The following ZNF618 variants were observed in gnomAD, a reference collection of about 807,000 sequenced individuals.
The protein encoded by ZNF618 is neural precursor cell expressed, developmentally down-regulated 10.
A neutral mutation model predicts 103.0 loss-of-function variants in ZNF618; 34 were observed. That is an observed-to-expected ratio of 0.33 (90% CI 0.25 to 0.44). ZNF618 has a LOEUF of 0.44. ZNF618 is among the 20% of genes least tolerant of loss of function. The pLI is 1.00. For missense variants in ZNF618, 1,059 were observed against 1,295.4 expected, an observed-to-expected ratio of 0.82 and a Z score of 2.80; for synonymous variants, 551 against 542.2, an observed-to-expected ratio of 1.02 and a Z score of -0.23.
chr9:114,053,835 C>T lies in ZNF618; in HGVS notation c.*3668C>T, dbSNP rs1271433819. Reference sequence around the variant, plus strand: ...GAGCAAAACTGCCTGCACTTCATCTCTGGAGGTTCGCTGCACAGAGGCCAC... The same window carrying T: ...GAGCAAAACTGCCTGCACTTCATCTTTGGAGGTTCGCTGCACAGAGGCCAC... On this transcript the variant is annotated 3_prime_UTR_variant, in exon 15 of 15. Transcript: ENST00000374126. 2 of 152,284 alleles carry T rather than the reference C, an allele frequency of 1.3e-5. No individual in the cohort carries two copies. The highest frequency in any genetic ancestry group is 1.9e-4 in the East Asian group (1 of 5,198). The allele number at this position is 152,284 out of a possible 1,614,324, so 9.4% of individuals were successfully genotyped here.
intron 1 of ZNF618, among the ~76,000 whole-genome samples, chr9:113,927,076 A>G (rs1479948212): frequency 6.6e-6 from 1 of 152,226 alleles, no homozygotes; most frequent in African/African-American, 2.4e-5. Flanking sequence ...TCTGGTTCTG[A>G]TGCCTCTTAC....
At chr9:114,010,438 G>C (rs1303275169) in intron 9 of ZNF618, among the ~76,000 whole-genome samples, 1 of 152,162 alleles carries the variant, frequency 6.6e-6, no homozygotes, top group African/African-American at 2.4e-5. Context: ...TGGGCGTGGT[G>C]GCTCTCGCCT....
At position 114,050,329 on chromosome 9, in the gene ZNF618, CGTGT is replaced by C; in HGVS notation, c.*163_*166del. 4 of 770,446 alleles carry C rather than the reference CGTGT, an allele frequency of 5.2e-6. No individual in the cohort carries two copies. The highest frequency in any genetic ancestry group is 8.0e-6 in the Non-Finnish European group (4 of 502,258). 47.7% of individuals were successfully genotyped at this position (770,446 alleles called of 1,614,324 possible). Reference sequence around the variant, plus strand: ...TGCTTTTTTTATATGTGTGTGTGTGCGTGTATGTACACAGCCACACGTGTGTGCA... The same window carrying C: ...TGCTTTTTTTATATGTGTGTGTGTGCATGTACACAGCCACACGTGTGTGCA... On this transcript the variant is annotated 3_prime_UTR_variant, in exon 15 of 15. Transcript: ENST00000374126.
At chr9:114,013,754 A>G (rs1158800132) in intron 9 of ZNF618, among the ~76,000 whole-genome samples, 3 of 152,182 alleles carry the variant, frequency 2.0e-5, no homozygotes. Context: ...TTTAAAAGGA[A>G]GGAGGAATTG....
chr9:113,978,563 A>T (rs1838697785), intron 2 of ZNF618, among the ~76,000 whole-genome samples: 1 of 152,248 alleles, frequency 6.6e-6, no homozygotes, highest in Admixed American at 6.5e-5. Context: ...ATGCTCAGGA[A>T]ACAGCAAAAA....
At chr9:114,017,355 A>G (rs918486547) in intron 10 of ZNF618, among the ~76,000 whole-genome samples, 6 of 152,046 alleles carry the variant, frequency 3.9e-5, no homozygotes, top group African/African-American at 1.4e-4. Flanking sequence ...CTGACCCTGG[A>G]CCACCATCTC....
intron 2 of ZNF618, among the ~76,000 whole-genome samples, chr9:113,970,681 G>A (rs1313312374): frequency 6.6e-6 from 1 of 151,850 alleles, no homozygotes; most frequent in African/African-American, 2.4e-5. Context: ...TCATCTTTCA[G>A]ATCTGGAGTC....
intron 1 of ZNF618, among the ~76,000 whole-genome samples, chr9:113,946,398 C>CAA (rs58064458): frequency 7.0e-5 from 8 of 114,848 alleles, no homozygotes; most frequent in South Asian, 5.7e-4. Flanking sequence ...GGGAAGTCTT[C>CAA]AAAAAAAAAA....
intron 1 of ZNF618, among the ~76,000 whole-genome samples, chr9:113,930,287 A>C (rs1283274272): frequency 1.3e-5 from 2 of 152,216 alleles, no homozygotes; most frequent in Non-Finnish European, 2.9e-5. Context: ...AAAGCGTTGC[A>C]CATGCTTTGT....
intron 1 of ZNF618, among the ~76,000 whole-genome samples, chr9:113,876,656 G>A (rs1468312564): frequency 2.6e-5 from 4 of 151,924 alleles, no homozygotes; most frequent in African/African-American, 4.8e-5. Flanking sequence ...GCCCCCTCCG[G>A]CCCCGGGCTC....
At chr9:113,979,775 C>A (rs1198111924) in intron 2 of ZNF618, among the ~76,000 whole-genome samples, 2 of 152,218 alleles carry the variant, frequency 1.3e-5, no homozygotes. Context: ...AAATCTTGTC[C>A]TCTAGCTCAC....
At chr9:113,890,294 C>T (rs1293966903) in intron 1 of ZNF618, among the ~76,000 whole-genome samples, 1 of 152,154 alleles carries the variant, frequency 6.6e-6, no homozygotes, top group Non-Finnish European at 1.5e-5. Context: ...GATAACCGCC[C>T]TTCACATTTT....
chr9:113,951,559 G>GAGTGCACA (rs1835748298), intron 1 of ZNF618, among the ~76,000 whole-genome samples: 2 of 36,066 alleles, frequency 5.5e-5, no homozygotes, highest in Admixed American at 4.3e-4. Flanking sequence ...ATATGTGTGT[G>GAGTGCACA]TATATGTGTG....
At chr9:113,956,496 T>C (rs1435904244) in intron 1 of ZNF618, among the ~76,000 whole-genome samples, 1 of 152,212 alleles carries the variant, frequency 6.6e-6, no homozygotes, top group African/African-American at 2.4e-5. Flanking sequence ...ACAATTCCTT[T>C]ATGTTTTAAA....
At chr9:113,888,684 G>C (rs60615197) in intron 1 of ZNF618, among the ~76,000 whole-genome samples, 1 of 152,198 alleles carries the variant, frequency 6.6e-6, no homozygotes, top group Non-Finnish European at 1.5e-5. Flanking sequence ...CCCACAGGCT[G>C]TTGGAGGAGA....
chr9:113,975,881 C>G lies in ZNF618; in HGVS notation c.77+6721C>G, dbSNP rs370270979. On this transcript the variant is annotated intron_variant, in intron 2 of 14. Transcript: ENST00000374126. ...TGTTACTGGAGTTCAGATTTCATTT[C>G]TAGAAATGTATTTCCAGAAATATTC... 3.3e-5 allele frequency among the ~76,000 whole-genome samples: 5 copies of G among 152,154 alleles called. No homozygotes were observed. The East Asian group carries it at 9.7e-4, about 29-fold the overall frequency.
intron 1 of ZNF618, among the ~76,000 whole-genome samples, chr9:113,885,639 C>T (rs781099548): frequency 3.3e-5 from 5 of 152,194 alleles, no homozygotes; most frequent in Non-Finnish European, 7.3e-5. Flanking sequence ...CCCTGGAAGG[C>T]CTTGGGGTCT....
At chr9:114,016,001 TC>T (rs1564301446) in intron 9 of ZNF618, 1 of 991,060 alleles carries the variant, frequency 1.0e-6, no homozygotes, top group Non-Finnish European at 1.5e-6. Flanking sequence ...CAGGGCACCC[TC>T]CCCCAAGGGG....
At chr9:113,893,965 TATC>T (rs1033756556) in intron 1 of ZNF618, among the ~76,000 whole-genome samples, 2 of 152,158 alleles carry the variant, frequency 1.3e-5, no homozygotes, top group African/African-American at 2.4e-5. Flanking sequence ...TTTGCTGACT[TATC>T]ATTATGAAAG....
Sources: allele counts gnomAD v4.1 joint callset (sites outside exome capture counted in the v4.1 genomes callset), GRCh38; gene constraint gnomAD v4.1.1; transcripts MANE v1.5; gene names NCBI Gene and HGNC (gene_info 2026-07-23, HGNC 2026-07-21).